The following CHRDL1 variants were observed in gnomAD, a reference collection of about 807,000 sequenced individuals.
The protein encoded by CHRDL1 is chordin like 1.
A neutral mutation model predicts 40.9 loss-of-function variants in CHRDL1; 19 were observed. The observed-to-expected ratio is 0.46, with a 90% CI of 0.32 to 0.68. The LOEUF (loss-of-function observed/expected upper bound fraction) is 0.68, where lower values mean the gene tolerates loss of function less well. Among genes scored for constraint, CHRDL1 ranks in the 30% least tolerant of loss-of-function variants. The pLI is 0.03. For synonymous variants in CHRDL1, 136 were observed against 123.4 expected (o/e 1.10, Z -0.68); for missense variants, 329 against 352.1 (o/e 0.93, Z 0.53).
intron 6 of CHRDL1, among the ~76,000 whole-genome samples, chrX:110,717,857 T>C (rs966419004): frequency 8.9e-6 from 1 of 111,765 alleles, no homozygotes; most frequent in Non-Finnish European, 1.9e-5. Context: ...AATCCTATAA[T>C]TTTTTTCCTC....
chrX:110,681,720 A>T, intron 9 of CHRDL1, 71 bp from the exon 10 acceptor site: 1 of 777,770 alleles, frequency 1.3e-6, no homozygotes, highest in Non-Finnish European at 1.9e-6. Context: ...GCATTTATGT[A>T]TCTCATTGTT....
At chrX:110,732,613 C>T (rs186938552) in intron 4 of CHRDL1, among the ~76,000 whole-genome samples, 9 of 111,852 alleles carry the variant, frequency 8.0e-5, no homozygotes, top group South Asian at 3.8e-4. Flanking sequence ...ATCCCACTTC[C>T]GTCAGTGTTT....
chrX:110,719,987 C>T, intron 5 of CHRDL1, 59 bp from the exon 6 acceptor site: 2 of 734,335 alleles, frequency 2.7e-6, no homozygotes, highest in Non-Finnish European at 4.1e-6. Context: ...AAAGGCTTCA[C>T]TTAATACCTG....
At chrX:110,767,387 G>A (rs182996294) in intron 2 of CHRDL1, among the ~76,000 whole-genome samples, 22 of 110,663 alleles carry the variant, frequency 2.0e-4, no homozygotes, top group Middle Eastern at 9.5e-3. Flanking sequence ...GATCAGTAAA[G>A]AGGAAGTCAA....
chrX:110,711,888 A>G, intron 6 of CHRDL1, among the ~76,000 whole-genome samples: 1 of 112,083 alleles, frequency 8.9e-6, no homozygotes, highest in East Asian at 2.8e-4. Context: ...TGAAGGAGTT[A>G]GCAGAAATAT....
At position 110,742,216 on chromosome X, in the gene CHRDL1, G is replaced by A. The variant is rs777153300; in HGVS notation, c.301+17445C>T. 4.5e-5 allele frequency among the ~76,000 whole-genome samples: 5 copies of A among 112,041 alleles called. No homozygotes were observed. The South Asian group carries it at 1.9e-3, about 42-fold the overall frequency. Reference sequence around the variant, plus strand: ...TTCTAGGTTACTATGAAAATGTGGTGAAGGGAGGGCGCTATGTCTGATGGC... The same window carrying A: ...TTCTAGGTTACTATGAAAATGTGGTAAAGGGAGGGCGCTATGTCTGATGGC... On this transcript the variant is annotated intron_variant, in intron 4 of 11. Coordinates refer to ENST00000372042, the MANE Select transcript of CHRDL1 (RefSeq NM_001143981.2).
chrX:110,675,390 T>A lies in CHRDL1; in HGVS notation c.*841A>T, dbSNP rs983486055. ...ATTTAACTTCTTTCTGGAAGTCCCA[T>A]AGGTACAGGGGGAAAAGAAAAGTGG... On this transcript the variant is annotated 3_prime_UTR_variant, in exon 12 of 12. Coordinates refer to ENST00000372042, the MANE Select transcript of CHRDL1 (RefSeq NM_001143981.2). The A allele has an allele frequency of 9.0e-6, 1 of 111,535 alleles. No homozygotes were observed. The highest frequency in any genetic ancestry group is 9.6e-5 in the Admixed American group (1 of 10,464). The allele number at this position is 111,535 out of a possible 1,213,427, so 9.2% of individuals were successfully genotyped here. A position where few individuals can be genotyped will look rare whatever the true frequency, so the allele number is the denominator to read the frequency against.
intron 4 of CHRDL1, among the ~76,000 whole-genome samples, chrX:110,742,442 C>T (rs1211368428): frequency 8.9e-6 from 1 of 112,446 alleles, no homozygotes; most frequent in East Asian, 2.8e-4. Flanking sequence ...TTGTCTCAAA[C>T]ACACTGAGGC....
intron 10 of CHRDL1, among the ~76,000 whole-genome samples, chrX:110,680,653 G>A (rs762731944): frequency 4.5e-5 from 5 of 111,890 alleles, no homozygotes; most frequent in East Asian, 2.8e-4. Context: ...ACAGAAGTTC[G>A]AGTACTCTTG....
Position 110,681,705 on chromosome X carries a change from C to T in CHRDL1, c.989-56G>A, listed in dbSNP as rs2069901676. ...ATGGTTTTCTAAAGCTAGAAGTGAA[C>T]TTCTGCATTTATGTATCTCATTGTT... is the stretch of plus-strand genomic sequence containing the variant. On this transcript the variant is annotated intron_variant, in intron 9 of 11. Coordinates refer to ENST00000372042, the MANE Select transcript of CHRDL1 (RefSeq NM_001143981.2). The T allele has an allele frequency of 1.9e-5, 17 of 904,584 alleles. No homozygotes were observed. The South Asian group carries it at 3.8e-4, about 20-fold the overall frequency. The allele number at this position is 904,584 out of a possible 1,213,427, so 74.5% of individuals were successfully genotyped here.
At chrX:110,788,329 C>G (rs1270257852) in intron 2 of CHRDL1, among the ~76,000 whole-genome samples, 3 of 111,895 alleles carry the variant, frequency 2.7e-5, no homozygotes, top group Non-Finnish European at 5.6e-5. Flanking sequence ...TTTCCACAAA[C>G]AAAGCGTTTT....
intron 4 of CHRDL1, among the ~76,000 whole-genome samples, chrX:110,753,190 G>T (rs948312361): frequency 1.8e-5 from 2 of 111,991 alleles, no homozygotes; most frequent in African/African-American, 6.5e-5. Flanking sequence ...AACGAAAGTG[G>T]TCTATGCATA....
intron 6 of CHRDL1, among the ~76,000 whole-genome samples, chrX:110,714,042 AT>A (rs2070792923): frequency 9.2e-6 from 1 of 108,951 alleles, no homozygotes; most frequent in Non-Finnish European, 1.9e-5. Flanking sequence ...CTCTGAAGAG[AT>A]TTAAAAAAAA....
chrX:110,681,392 G>T, intron 10 of CHRDL1, 90 bp downstream of exon 10: 1 of 738,816 alleles, frequency 1.4e-6, no homozygotes. Flanking sequence ...ATCCAAATGA[G>T]GGAACAGGTT....
chrX:110,691,437 G>C (rs2070275746), intron 8 of CHRDL1, among the ~76,000 whole-genome samples: 1 of 110,548 alleles, frequency 9.0e-6, no homozygotes, highest in Non-Finnish European at 1.9e-5. Flanking sequence ...AGACATTGTG[G>C]AGATTTCAAG....
At chrX:110,785,419 TG>T (rs1026739689) in intron 2 of CHRDL1, among the ~76,000 whole-genome samples, 1 of 111,322 alleles carries the variant, frequency 9.0e-6, no homozygotes, top group African/African-American at 3.3e-5. Flanking sequence ...TGTGGAAAGG[TG>T]GGAGGGTAGA....
intron 7 of CHRDL1, among the ~76,000 whole-genome samples, chrX:110,699,991 G>A (rs763778958): frequency 1.4e-3 from 155 of 112,416 alleles, no homozygotes; most frequent in Admixed American, 3.5e-3. Context: ...CTCCTTTTCA[G>A]ATTTTAAGAA....
At chrX:110,677,388 G>T (rs1171894783) in intron 11 of CHRDL1, among the ~76,000 whole-genome samples, 2 of 111,550 alleles carry the variant, frequency 1.8e-5, no homozygotes, top group East Asian at 5.7e-4. Context: ...AAAGAGTTGG[G>T]TTTGTTCTTC....
chrX:110,677,056 T>C (rs2069793134), intron 11 of CHRDL1, among the ~76,000 whole-genome samples: 1 of 110,692 alleles, frequency 9.0e-6, no homozygotes, highest in African/African-American at 3.3e-5. Context: ...CTGGATACTG[T>C]GTTTTGTCTT....
Sources: gnomAD v4.1 joint callset for allele counts (sites outside exome capture counted in the v4.1 genomes callset) on GRCh38, gnomAD v4.1.1 for gene constraint, MANE v1.5 for transcripts, NCBI Gene and HGNC (gene_info 2026-07-23, HGNC 2026-07-21) for gene names.